Variants in NEK7 observed in about 807,000 individuals in gnomAD.
NEK7 encodes the protein serine/threonine-protein kinase Nek7.
NEK7 carries 18 observed loss-of-function variants against 44.6 expected under a neutral mutation model. The ratio of observed to expected loss-of-function variants is 0.40; its 90% CI spans 0.28 to 0.60. The LOEUF (loss-of-function observed/expected upper bound fraction) is 0.60, where lower values mean the gene tolerates loss of function less well. NEK7 is among the 20% of genes least tolerant of loss of function. NEK7 has a pLI of 0.38. For missense variants in NEK7, 256 were observed against 366.5 expected, an observed-to-expected ratio of 0.70 and a Z score of 2.46; for synonymous variants, 130 against 121.1, an observed-to-expected ratio of 1.07 and a Z score of -0.48.
intron 5 of NEK7, among the ~76,000 whole-genome samples, chr1:198,268,066 G>A (rs978749703): frequency 6.6e-6 from 1 of 151,380 alleles, no homozygotes; most frequent in Non-Finnish European, 1.5e-5. Context: ...CTACCTCTCT[G>A]GAGACTATCA....
At chr1:198,292,099 T>C (rs950526344) in intron 7 of NEK7, among the ~76,000 whole-genome samples, 1 of 152,124 alleles carries the variant, frequency 6.6e-6, no homozygotes, top group Non-Finnish European at 1.5e-5. Flanking sequence ...AGCCTTAGAC[T>C]AATGATGATG....
chr1:198,158,359 G>A (rs1287666100), intron 1 of NEK7, among the ~76,000 whole-genome samples: 2 of 152,172 alleles, frequency 1.3e-5, no homozygotes, highest in Non-Finnish European at 2.9e-5. Flanking sequence ...ATAGTTTGTA[G>A]AGCCTAATGT....
At chr1:198,237,237 C>T (rs532237753) in intron 2 of NEK7, among the ~76,000 whole-genome samples, 2 of 152,180 alleles carry the variant, frequency 1.3e-5, no homozygotes, top group African/African-American at 4.8e-5. Context: ...CCTTAGACCT[C>T]TTTTCTATCT....
At chr1:198,219,626 G>A (rs1344018468) in intron 1 of NEK7, among the ~76,000 whole-genome samples, 2 of 151,730 alleles carry the variant, frequency 1.3e-5, no homozygotes, top group Non-Finnish European at 2.9e-5. Context: ...TCCGGTGACA[G>A]GTGCATTAAA....
At chr1:198,244,277 A>G (rs1329376978) in intron 2 of NEK7, among the ~76,000 whole-genome samples, 1 of 152,152 alleles carries the variant, frequency 6.6e-6, no homozygotes, top group Non-Finnish European at 1.5e-5. Context: ...TCAAGGAATT[A>G]TCAGTACATA....
chr1:198,209,027 A>ATG (rs1391756118), intron 1 of NEK7, among the ~76,000 whole-genome samples: 42 of 116,936 alleles, frequency 3.6e-4, no homozygotes, highest in Non-Finnish European at 4.9e-4. Flanking sequence ...TAAAGCATAT[A>ATG]TGTGTGTGTG....
chr1:198,312,664 A>C (rs1418155269), intron 9 of NEK7, among the ~76,000 whole-genome samples: 1 of 151,750 alleles, frequency 6.6e-6, no homozygotes, highest in African/African-American at 2.4e-5. Flanking sequence ...GTTTCAAAGA[A>C]CATCTTTATT....
intron 1 of NEK7, among the ~76,000 whole-genome samples, chr1:198,182,971 G>A (rs1195533240): frequency 1.8e-4 from 28 of 152,188 alleles, no homozygotes; most frequent in Non-Finnish European, 1.5e-5. Context: ...TGGTTTGAAT[G>A]AGAACTCATG....
chr1:198,298,801 T>C (rs1443908159), intron 9 of NEK7, among the ~76,000 whole-genome samples: 1 of 152,230 alleles, frequency 6.6e-6, no homozygotes, highest in Non-Finnish European at 1.5e-5. Flanking sequence ...TTTCACATGG[T>C]AGCTGATTAG....
intron 6 of NEK7, among the ~76,000 whole-genome samples, chr1:198,278,411 C>T (rs534250027): frequency 8.0e-5 from 12 of 150,044 alleles, no homozygotes; most frequent in Non-Finnish European, 7.4e-5. Flanking sequence ...ATTAGCTCAG[C>T]ATTCTTTTCA....
intron 1 of NEK7, among the ~76,000 whole-genome samples, chr1:198,164,041 G>C (rs886276466): frequency 3.3e-5 from 5 of 151,970 alleles, no homozygotes; most frequent in Non-Finnish European, 7.4e-5. Context: ...AGGAGTTTGA[G>C]ACCAGCCTTG....
intron 1 of NEK7, among the ~76,000 whole-genome samples, chr1:198,167,149 T>A (rs1342780718): frequency 2.0e-5 from 3 of 152,192 alleles, no homozygotes; most frequent in Non-Finnish European, 4.4e-5. Flanking sequence ...TCCTTGTCTT[T>A]CCTTGGCTTG....
intron 2 of NEK7, among the ~76,000 whole-genome samples, chr1:198,252,472 A>G (rs1056210084): frequency 5.0e-5 from 7 of 140,976 alleles, no homozygotes; most frequent in African/African-American, 1.6e-4. Context: ...CTTCATCCCT[A>G]TGTTGTATCC....
At chr1:198,316,971 T>C (rs1275012744) in intron 9 of NEK7, among the ~76,000 whole-genome samples, 1 of 152,216 alleles carries the variant, frequency 6.6e-6, no homozygotes, top group African/African-American at 2.4e-5. Context: ...GCAGAGTAGA[T>C]CATCTAGAAA....
intron 2 of NEK7, among the ~76,000 whole-genome samples, chr1:198,235,901 T>A (rs1327437548): frequency 6.6e-6 from 1 of 152,190 alleles, no homozygotes; most frequent in Non-Finnish European, 1.5e-5. Context: ...CAGATATTCC[T>A]TATTCTTACA....
chr1:198,211,589 T>A (rs1665771178), intron 1 of NEK7, among the ~76,000 whole-genome samples: 1 of 152,208 alleles, frequency 6.6e-6, no homozygotes, highest in African/African-American at 2.4e-5. Flanking sequence ...GAGACAATTT[T>A]AGCATAAGAT....
chr1:198,312,287 C>T (rs1035288191), intron 9 of NEK7, among the ~76,000 whole-genome samples: 42 of 150,204 alleles, frequency 2.8e-4, no homozygotes, highest in African/African-American at 1.0e-3. Context: ...TGGTGATATC[C>T]CCTTTATCAT....
At chr1:198,224,512 C>T (rs904374766) in intron 1 of NEK7, among the ~76,000 whole-genome samples, 2 of 152,046 alleles carry the variant, frequency 1.3e-5, no homozygotes, top group African/African-American at 2.4e-5. Flanking sequence ...GAGCAACATA[C>T]GTCTGTACTT....
intron 1 of NEK7, among the ~76,000 whole-genome samples, chr1:198,198,507 AAG>A (rs1454016798): frequency 6.6e-6 from 1 of 152,132 alleles, no homozygotes; most frequent in Admixed American, 6.5e-5. Context: ...CAAGATTTTC[AAG>A]CCTGTCGACC....
Sources: allele counts gnomAD v4.1 joint callset (sites outside exome capture counted in the v4.1 genomes callset), GRCh38; gene constraint gnomAD v4.1.1; transcripts MANE v1.5; gene names NCBI Gene and HGNC (gene_info 2026-07-23, HGNC 2026-07-21).